LMX1A: variants seen among roughly 807,000 people sequenced by gnomAD.
LMX1A encodes LIM homeobox transcription factor 1-alpha.
A neutral mutation model predicts 49.1 loss-of-function variants in LMX1A; 15 were observed. The ratio of observed to expected loss-of-function variants is 0.31; its 90% CI spans 0.20 to 0.47. LMX1A has a LOEUF of 0.47. Among genes scored for constraint, LMX1A ranks in the 20% least tolerant of loss-of-function variants. LMX1A has a pLI of 1.00. For missense variants in LMX1A, 372 were observed against 475.8 expected (o/e 0.78, Z 2.03); for synonymous variants, 167 against 185.7 (o/e 0.90, Z 0.82).
intron 3 of LMX1A, among the ~76,000 whole-genome samples, chr1:165,328,096 C>T (rs1655641088): frequency 6.6e-6 from 1 of 152,238 alleles, no homozygotes; most frequent in South Asian, 2.1e-4. Flanking sequence ...GAGCATATGG[C>T]ACAAGCCAGG....
chr1:165,214,373 C>A (rs1365824108), intron 4 of LMX1A, among the ~76,000 whole-genome samples: 11 of 152,220 alleles, frequency 7.2e-5, no homozygotes, highest in Admixed American at 7.2e-4. Flanking sequence ...GTCAATTAAG[C>A]TTTTTCTCCT....
intron 4 of LMX1A, among the ~76,000 whole-genome samples, chr1:165,223,516 A>T (rs1651926867): frequency 6.6e-6 from 1 of 152,240 alleles, no homozygotes; most frequent in Admixed American, 6.5e-5. Flanking sequence ...GAAAAACAGA[A>T]AAGAAAACAG....
intron 4 of LMX1A, among the ~76,000 whole-genome samples, chr1:165,215,040 G>A (rs985869812): frequency 3.3e-5 from 5 of 152,082 alleles, no homozygotes; most frequent in East Asian, 1.9e-4. Context: ...TAGGCAGGCC[G>A]GGTGTGGTGG....
chr1:165,215,107 C>T (rs928010184), intron 4 of LMX1A, among the ~76,000 whole-genome samples: 3 of 152,084 alleles, frequency 2.0e-5, no homozygotes, highest in South Asian at 4.2e-4. Flanking sequence ...TTCCTGAGCT[C>T]AGGAGTTTGA....
In LMX1A at chr1:165,249,450, G is replaced by A. The variant is rs559035208; in HGVS notation, c.454C>T (p.Arg152Trp). The change falls in exon 4 of 9, where the codon CGG becomes TGG. Residue 152 changes from arginine to tryptophan, a missense_variant. Transcript: ENST00000342310. ...GGGCTCACCAGGCTGAGCAGCTCCC[G>A]CTCCTTCTCATAGTCCCCTTTGCAG... ...LLCKGDYEKE[R>W]ELLSLVSPAA... The A allele has an allele frequency of 2.7e-5, 44 of 1,613,936 alleles. No homozygotes were observed. Among genetic ancestry groups the A allele is most frequent in the South Asian group, 5.5e-5 (5 of 91,074 alleles).
intron 3 of LMX1A, among the ~76,000 whole-genome samples, chr1:165,301,782 T>C (rs956328530): frequency 3.3e-5 from 5 of 152,246 alleles, no homozygotes; most frequent in Admixed American, 2.0e-4. Flanking sequence ...CTGGTTCTTT[T>C]CTTTTTCTTT....
intron 8 of LMX1A, among the ~76,000 whole-genome samples, 194 bp downstream of exon 8, chr1:165,205,670 G>A (rs1415317008): frequency 6.6e-6 from 1 of 152,196 alleles, no homozygotes; most frequent in Non-Finnish European, 1.5e-5. Context: ...ATAAATGGAA[G>A]TGTCAATAAT....
intron 3 of LMX1A, among the ~76,000 whole-genome samples, chr1:165,332,869 C>T (rs2101753949): frequency 6.6e-6 from 1 of 152,284 alleles, no homozygotes; most frequent in African/African-American, 2.4e-5. Context: ...ATAACCTTTC[C>T]ACATAGCTTG....
chr1:165,219,963 GA>G (rs1318398942), intron 4 of LMX1A, among the ~76,000 whole-genome samples: 2 of 152,202 alleles, frequency 1.3e-5, no homozygotes, highest in African/African-American at 2.4e-5. Flanking sequence ...CACCTGAGCT[GA>G]AAATGAATGA....
intron 3 of LMX1A, among the ~76,000 whole-genome samples, chr1:165,325,770 C>G (rs1655559614): frequency 6.6e-6 from 1 of 152,186 alleles, no homozygotes; most frequent in African/African-American, 2.4e-5. Flanking sequence ...CGAGCAAAGA[C>G]TTCTCAAAGT....
At chr1:165,248,582 C>CT (rs1213897829) in intron 4 of LMX1A, among the ~76,000 whole-genome samples, 1 of 152,192 alleles carries the variant, frequency 6.6e-6, no homozygotes, top group Non-Finnish European at 1.5e-5. Flanking sequence ...TGTCTCCTCT[C>CT]TTTCGCCAAC....
intron 3 of LMX1A, among the ~76,000 whole-genome samples, chr1:165,332,740 G>A (rs918090631): frequency 3.3e-5 from 5 of 152,180 alleles, no homozygotes; most frequent in African/African-American, 9.7e-5. Flanking sequence ...GGAGTTTGGG[G>A]ATAATTGTAT....
intron 2 of LMX1A, among the ~76,000 whole-genome samples, chr1:165,354,565 C>A (rs1046978467): frequency 1.1e-4 from 16 of 152,058 alleles, no homozygotes; most frequent in Non-Finnish European, 8.8e-5. Context: ...GCTCAGTGCA[C>A]GTGATTTCGT....
Position 165,291,945 on chromosome 1 carries a change from C to G in LMX1A, c.264-42305G>C, listed in dbSNP as rs569961645. Among the ~76,000 whole-genome samples, 3 of 151,714 alleles carry G rather than the reference C, an allele frequency of 2.0e-5. No individual in the cohort carries two copies. The East Asian group carries it at 5.9e-4, about 30-fold the overall frequency. On this transcript the variant is annotated intron_variant, in intron 3 of 8. Coordinates refer to ENST00000342310, the MANE Select transcript of LMX1A (RefSeq NM_177398.4). Reference sequence around the variant, plus strand: ...GGCATGGTGGCGCGCGCTTGTAGTCCCAGCTACACGGGAGGCTGAGGCAGG... The same window carrying G: ...GGCATGGTGGCGCGCGCTTGTAGTCGCAGCTACACGGGAGGCTGAGGCAGG...
rs1303259887 is a variant in LMX1A, at chr1:165,234,299, C to G, written c.496+15109G>C. Among the ~76,000 whole-genome samples, 3 of 152,112 alleles carry G rather than the reference C, an allele frequency of 2.0e-5. No individual in the cohort carries two copies. In the East Asian group the frequency reaches 5.8e-4, roughly 29 times the overall value. On this transcript the variant is annotated intron_variant, in intron 4 of 8. Coordinates refer to ENST00000342310, the MANE Select transcript of LMX1A (RefSeq NM_177398.4). The stretch of plus-strand genomic sequence containing the variant: ...TTTCATTTCATCGCCGGCAAGTTAC[C>G]TACTCTGCCAAGTCCTAGTTACAGT...
At chr1:165,222,844 C>T (rs2102613682) in intron 4 of LMX1A, among the ~76,000 whole-genome samples, 1 of 152,326 alleles carries the variant, frequency 6.6e-6, no homozygotes, top group Middle Eastern at 3.4e-3. Context: ...ATTCCATAAA[C>T]CACTAACAGG....
chr1:165,243,097 G>T (rs1057139166), intron 4 of LMX1A, among the ~76,000 whole-genome samples: 6 of 152,236 alleles, frequency 3.9e-5, no homozygotes, highest in Middle Eastern at 6.8e-3. Context: ...TCTTAGTTTT[G>T]ATAAGTGTAC....
At chr1:165,300,172 A>G (rs1654737782) in intron 3 of LMX1A, among the ~76,000 whole-genome samples, 1 of 152,162 alleles carries the variant, frequency 6.6e-6, no homozygotes, top group African/African-American at 2.4e-5. Context: ...CAGAACCCCT[A>G]CAACTCTCAG....
chr1:165,302,602 A>G (rs954709733), intron 3 of LMX1A, among the ~76,000 whole-genome samples: 5 of 152,138 alleles, frequency 3.3e-5, no homozygotes, highest in Admixed American at 2.6e-4. Flanking sequence ...CCTTGCCTTC[A>G]GTTTCCACTT....
Sources: allele counts gnomAD v4.1 joint callset (sites outside exome capture counted in the v4.1 genomes callset), GRCh38; gene constraint gnomAD v4.1.1; transcripts MANE v1.5; gene names NCBI Gene and HGNC (gene_info 2026-07-23, HGNC 2026-07-21).